The following PHACTR1 variants were observed in gnomAD, a reference collection of about 807,000 sequenced individuals.
The protein encoded by PHACTR1 is phosphatase and actin regulator 1, also known as RPEL repeat containing 1.
A neutral mutation model predicts 69.2 loss-of-function variants in PHACTR1; 16 were observed. The observed-to-expected ratio is 0.23, with a 90% CI of 0.16 to 0.35. The LOEUF (loss-of-function observed/expected upper bound fraction) is 0.35. PHACTR1 is among the 10% of genes least tolerant of loss of function. The pLI is 1.00. For missense variants in PHACTR1, 510 were observed against 734.7 expected (o/e 0.69, Z 3.54); for synonymous variants, 312 against 284.5 (o/e 1.10, Z -0.97).
intron 3 of PHACTR1, among the ~76,000 whole-genome samples, chr6:12,748,995 G>C (rs1226794166): frequency 6.6e-6 from 1 of 152,200 alleles, no homozygotes; most frequent in Non-Finnish European, 1.5e-5. Context: ...TTCTCTTTCT[G>C]TTTGAGCTCT....
intron 10 of PHACTR1, among the ~76,000 whole-genome samples, chr6:13,234,133 C>T (rs1562043237): frequency 6.6e-6 from 1 of 152,126 alleles, no homozygotes; most frequent in Non-Finnish European, 1.5e-5. Context: ...TGCTTCTAGC[C>T]ACCCATTCAT....
chr6:13,186,563 G>A lies in PHACTR1; in HGVS notation c.664+3877G>A, dbSNP rs79408740. 6.2e-3 allele frequency among the ~76,000 whole-genome samples: 938 copies of A among 152,222 alleles called. 11 individuals carry two copies. Among genetic ancestry groups the A allele is most frequent in the African/African-American group, 0.021 (859 of 41,522 alleles). On this transcript the variant is annotated intron_variant, in intron 7 of 14. Transcript: ENST00000332995. ...AGTCAAAGATTATGCACCCTTTAAG[G>A]CTTTGATGTCAAATTTCCCTTAAGA...
At chr6:12,854,084 A>G (rs1443115986) in intron 4 of PHACTR1, among the ~76,000 whole-genome samples, 2 of 152,234 alleles carry the variant, frequency 1.3e-5, no homozygotes, top group African/African-American at 4.8e-5. Context: ...ATATAAGGCT[A>G]TAGTGGGAAG....
chr6:12,882,110 GGCTGAGA>G (rs1783159589), intron 4 of PHACTR1, among the ~76,000 whole-genome samples: 1 of 152,174 alleles, frequency 6.6e-6, no homozygotes, highest in Admixed American at 6.5e-5. Flanking sequence ...ATGCACCCGA[GGCTGAGA>G]GGGACAGGGG....
chr6:12,873,833 T>G (rs1239315133), intron 4 of PHACTR1, among the ~76,000 whole-genome samples: 1 of 152,236 alleles, frequency 6.6e-6, no homozygotes, highest in African/African-American at 2.4e-5. Flanking sequence ...TGCCTGTAAC[T>G]CTGGGCCCTG....
chr6:13,154,632 C>T (rs1004293494), intron 5 of PHACTR1, among the ~76,000 whole-genome samples: 2 of 152,116 alleles, frequency 1.3e-5, no homozygotes, highest in African/African-American at 4.8e-5. Context: ...GGATGGATTG[C>T]TTTGTTCTGT....
At chr6:12,787,876 G>T (rs1186812992) in intron 4 of PHACTR1, among the ~76,000 whole-genome samples, 2 of 152,174 alleles carry the variant, frequency 1.3e-5, no homozygotes, top group Non-Finnish European at 2.9e-5. Context: ...AACAAAGGAG[G>T]CCAGGCACGG....
chr6:13,226,704 G>C (rs1009890837), intron 8 of PHACTR1, among the ~76,000 whole-genome samples: 10 of 151,648 alleles, frequency 6.6e-5, no homozygotes, highest in African/African-American at 1.9e-4. Context: ...TTGATGACAC[G>C]CATGTAGTAA....
chr6:13,286,335 G>A lies in PHACTR1; in HGVS notation c.1727+113G>A, dbSNP rs116785225. Reference sequence around the variant, plus strand: ...AGTGGGTTGGAGGGTGCCATGAGAGGGAAGATAGTAGGAAGGCAGGCATGC... The same window carrying A: ...AGTGGGTTGGAGGGTGCCATGAGAGAGAAGATAGTAGGAAGGCAGGCATGC... On this transcript the variant is annotated intron_variant, in intron 14 of 14. Coordinates refer to ENST00000332995, the MANE Select transcript of PHACTR1 (RefSeq NM_030948.6). 7.7e-3 allele frequency: 6,522 copies of A among 849,216 alleles called. 61 individuals are homozygous for A. The highest frequency in any genetic ancestry group is 0.024 in the South Asian group (1,230 of 50,408). The allele number at this position is 849,216 out of a possible 1,614,324, so 52.6% of individuals were successfully genotyped here. A position where few individuals can be genotyped will look rare whatever the true frequency, so the allele number is the denominator to read the frequency against.
Position 13,275,184 on chromosome 6 carries a change from G to A in PHACTR1, c.1447+2269G>A. ...CAGCCCTGGAGCTTTGAGAGCCTTG[G>A]GTTGGTTTCCAGCCCCACCCTGCCT... On this transcript the variant is annotated intron_variant, in intron 11 of 14. Coordinates refer to ENST00000332995, the MANE Select transcript of PHACTR1 (RefSeq NM_030948.6). The surrounding 1 kb of genome is among the most constrained non-coding windows in gnomAD (Gnocchi z 4.0). The A allele has an allele frequency of 6.6e-6, 1 of 152,622 alleles. No individual in the cohort carries two copies. Among genetic ancestry groups the A allele is most frequent in the Admixed American group, 6.5e-5 (1 of 15,284 alleles). 9.5% of individuals were successfully genotyped at this position (152,622 alleles called of 1,614,324 possible). A position where few individuals can be genotyped will look rare whatever the true frequency, so the allele number is the denominator to read the frequency against.
chr6:13,035,290 A>C (rs1803141816), intron 4 of PHACTR1, among the ~76,000 whole-genome samples: 1 of 152,218 alleles, frequency 6.6e-6, no homozygotes, highest in South Asian at 2.1e-4. Context: ...ACAGATAAAA[A>C]TGAATTTGGC....
At chr6:12,996,568 C>G (rs2127615232) in intron 4 of PHACTR1, among the ~76,000 whole-genome samples, 1 of 152,208 alleles carries the variant, frequency 6.6e-6, no homozygotes, top group Admixed American at 6.5e-5. Context: ...TAGTAAAAAT[C>G]AATTAGGCTG....
At chr6:13,033,428 G>A (rs1217287665) in intron 4 of PHACTR1, among the ~76,000 whole-genome samples, 1 of 152,124 alleles carries the variant, frequency 6.6e-6, no homozygotes, top group East Asian at 1.9e-4. Flanking sequence ...ATACATGAGA[G>A]TATTACTGCC....
intron 4 of PHACTR1, among the ~76,000 whole-genome samples, chr6:12,955,996 T>C (rs947664695): frequency 5.9e-5 from 9 of 152,208 alleles, no homozygotes; most frequent in Non-Finnish European, 1.2e-4. Context: ...TAATGTCACA[T>C]ATTTTAACAT....
Position 13,082,545 on chromosome 6 carries a change from C to T in PHACTR1, c.415+29016C>T, listed in dbSNP as rs1028550959. Among the ~76,000 whole-genome samples, 3 of 152,194 alleles carry T rather than the reference C, an allele frequency of 2.0e-5. No homozygotes were observed. The East Asian group carries it at 5.8e-4, about 29-fold the overall frequency. On this transcript the variant is annotated intron_variant, in intron 5 of 14. Transcript: ENST00000332995. Reference sequence around the variant, plus strand: ...CACACTGACTTCCACAATGGTTGAACTAGTTTACAGTCCCACCAACAGTGT... The same window carrying T: ...CACACTGACTTCCACAATGGTTGAATTAGTTTACAGTCCCACCAACAGTGT...
intron 4 of PHACTR1, among the ~76,000 whole-genome samples, chr6:12,806,674 A>G (rs994740128): frequency 1.3e-5 from 2 of 152,112 alleles, no homozygotes; most frequent in Non-Finnish European, 2.9e-5. Flanking sequence ...CATTCCTAGC[A>G]TGCTTTAATA....
At chr6:12,814,266 C>T (rs1341951131) in intron 4 of PHACTR1, among the ~76,000 whole-genome samples, 1 of 152,160 alleles carries the variant, frequency 6.6e-6, no homozygotes, top group Non-Finnish European at 1.5e-5. Flanking sequence ...ATCCAAAGAT[C>T]AGGGTTCTCC....
chr6:13,261,007 T>C (rs1775837209), intron 10 of PHACTR1, among the ~76,000 whole-genome samples: 1 of 151,984 alleles, frequency 6.6e-6, no homozygotes, highest in Non-Finnish European at 1.5e-5. Flanking sequence ...CCCTGGCCTC[T>C]ATCTACCGGA....
intron 8 of PHACTR1, among the ~76,000 whole-genome samples, chr6:13,208,773 G>A (rs915037222): frequency 6.6e-6 from 1 of 152,008 alleles, no homozygotes; most frequent in African/African-American, 2.4e-5. Context: ...CATATTAAAA[G>A]GTTCAATTAA....
Sources: allele counts gnomAD v4.1 joint callset (sites outside exome capture counted in the v4.1 genomes callset), GRCh38; gene constraint gnomAD v4.1.1; non-coding constraint Gnocchi (gnomAD v3.1); transcripts MANE v1.5; gene names NCBI Gene and HGNC (gene_info 2026-07-23, HGNC 2026-07-21).